Variants in RBM26 observed in about 807,000 individuals in gnomAD.
RBM26 encodes the protein RNA-binding protein 26.
In RBM26, 30 loss-of-function variants were observed where a neutral mutation model predicts 123.6. That is an observed-to-expected ratio of 0.24 (90% CI 0.18 to 0.33). RBM26 has a LOEUF of 0.33. Ranked by LOEUF, RBM26 falls within the 10% of genes least tolerant of loss-of-function variation. RBM26 has a pLI of 1.00. For missense variants in RBM26, 947 were observed against 1,203.6 expected (o/e 0.79, Z 3.15); for synonymous variants, 400 against 404.4 (o/e 0.99, Z 0.13).
chr13:79,358,179 A>T, intron 11 of RBM26, 95 bp downstream of exon 11: 1 of 1,111,302 alleles, frequency 9.0e-7, no homozygotes, highest in Non-Finnish European at 1.2e-6. Context: ...CACCATGCCC[A>T]GCCTTAAAAT....
intron 16 of RBM26, among the ~76,000 whole-genome samples, chr13:79,343,424 T>C (rs1197291412): frequency 6.6e-6 from 1 of 151,930 alleles, no homozygotes; most frequent in African/African-American, 2.4e-5. Context: ...CTTCAGTTTT[T>C]GGTTTTGTAA....
At chr13:79,401,504 T>G (rs1196224857) in intron 1 of RBM26, among the ~76,000 whole-genome samples, 1 of 152,064 alleles carries the variant, frequency 6.6e-6, no homozygotes, top group Non-Finnish European at 1.5e-5. Context: ...ACCTGCAAAA[T>G]GGAGAGATAA....
chr13:79,402,435 C>CT (rs35140010), intron 1 of RBM26, among the ~76,000 whole-genome samples: 64,084 of 140,590 alleles, frequency 0.46, 15,003 homozygotes, highest in East Asian at 0.71. Context: ...CACAGCCAGG[C>CT]TTTTTTTTTT....
downstream of RBM26, among the ~76,000 whole-genome samples, chr13:79,318,311 C>T (rs1259380354): frequency 1.3e-5 from 2 of 151,064 alleles, no homozygotes; most frequent in African/African-American, 4.8e-5. Flanking sequence ...TCTATTTTCA[C>T]CCACTAGCTA....
intron 3 of RBM26, among the ~76,000 whole-genome samples, chr13:79,375,400 A>ACCTAAG (rs1347274469): frequency 4.0e-5 from 6 of 151,722 alleles, no homozygotes; most frequent in African/African-American, 1.5e-4. Flanking sequence ...TGAACTCCTG[A>ACCTAAG]CCTAAGGTGA....
At chr13:79,403,627 C>T (rs533700410) in intron 1 of RBM26, among the ~76,000 whole-genome samples, 2 of 152,216 alleles carry the variant, frequency 1.3e-5, no homozygotes, top group South Asian at 4.2e-4. Context: ...CATTATTTTC[C>T]CAATTTTACA....
intron 12 of RBM26, among the ~76,000 whole-genome samples, chr13:79,354,786 T>G (rs1384344958): frequency 1.3e-5 from 2 of 152,234 alleles, no homozygotes; most frequent in African/African-American, 4.8e-5. Flanking sequence ...AAGTCCAACT[T>G]TCAATATCTT....
In RBM26 at chr13:79,367,122, T is replaced by C. The variant is rs142033671; in HGVS notation, c.896-250A>G. ...CAAATCTCATGTTGAAATGTGACAA[T>C]CTGGCTGGACGTGGTGGCTCAGGCC... On this transcript the variant is annotated intron_variant, in intron 6 of 21. Transcript: ENST00000438737. Among the ~76,000 whole-genome samples, 575 of 152,076 alleles carry C rather than the reference T, an allele frequency of 3.8e-3. 4 individuals carry two copies. The highest frequency in any genetic ancestry group is 0.024 in the Middle Eastern group (7 of 294).
intron 1 of RBM26, among the ~76,000 whole-genome samples, chr13:79,386,931 C>G (rs1594637869): frequency 6.6e-6 from 1 of 152,064 alleles, no homozygotes; most frequent in Non-Finnish European, 1.5e-5. Flanking sequence ...ATAAATTTGG[C>G]TGAGTCGATT....
At chr13:79,403,549 T>C (rs2079234724) in intron 1 of RBM26, among the ~76,000 whole-genome samples, 1 of 152,216 alleles carries the variant, frequency 6.6e-6, no homozygotes. Flanking sequence ...AAGTTTTGTA[T>C]TCACCTAATA....
intron 1 of RBM26, among the ~76,000 whole-genome samples, chr13:79,387,412 C>T (rs2077580814): frequency 6.6e-6 from 1 of 152,126 alleles, no homozygotes; most frequent in South Asian, 2.1e-4. Context: ...GTTAGCCTTT[C>T]CATGAAGCAG....
rs56071300 is a variant in RBM26, at chr13:79,319,949, C to CTTTTTTTT, written c.*664_*671dup. On this transcript the variant is annotated 3_prime_UTR_variant, in exon 22 of 22. Coordinates refer to ENST00000438737, the MANE Select transcript of RBM26 (RefSeq NM_001366735.2). ...TTTAAATCAAGGAACATTGTCTTGG[C>CTTTTTTTT]TTTTTTTTTTTTTTTTTTTTTGTCA... 2.5e-4 allele frequency: 29 copies of CTTTTTTTT among 116,092 alleles called. No individual in the cohort carries two copies. The highest frequency in any genetic ancestry group is 2.4e-3 in the Admixed American group (1 of 416). 7.2% of individuals were successfully genotyped at this position (116,092 alleles called of 1,614,324 possible).
chr13:79,311,976 AGAG>A (rs1483155275), exon 5 of RBM26: 5 of 152,154 alleles, frequency 3.3e-5, no homozygotes, highest in East Asian at 3.9e-4. Context: ...TAAGCATACA[AGAG>A]TAGTATTCTA....
downstream of RBM26, chr13:79,314,943 C>A: frequency 7.8e-7 from 1 of 1,283,368 alleles, no homozygotes; most frequent in Non-Finnish European, 1.0e-6. Flanking sequence ...AGGAACTGGT[C>A]TTGCTCTTGC....
chr13:79,330,723 T>G, intron 20 of RBM26, among the ~76,000 whole-genome samples: 1 of 152,080 alleles, frequency 6.6e-6, no homozygotes, highest in East Asian at 1.9e-4. Context: ...TACATATAAT[T>G]ATATAATATA....
intron 1 of RBM26, among the ~76,000 whole-genome samples, chr13:79,396,332 T>C (rs2078561502): frequency 6.6e-6 from 1 of 152,160 alleles, no homozygotes; most frequent in African/African-American, 2.4e-5. Flanking sequence ...AAAGTTAACA[T>C]TGTTCTTTAA....
Position 79,358,407 on chromosome 13 carries a change from G to A in RBM26, c.1556C>T (p.Pro519Leu), listed in dbSNP as rs1055565850. Reference sequence around the variant, plus strand: ...AAATTGAACCTTCTTCTGAAAGCCTGGGCTGTTTGTTCTATTAAAATTTGG... The same window carrying A: ...AAATTGAACCTTCTTCTGAAAGCCTAGGCTGTTTGTTCTATTAAAATTTGG... Reference protein sequence around the residue: ...DKPNFNRTNSPGFQKKVQFGN... With the variant: ...DKPNFNRTNSLGFQKKVQFGN... The change falls in exon 11 of 22, where the codon CCA (proline) becomes CTA (leucine). Residue 519 changes from proline to leucine, a missense_variant. By Grantham distance (98) the Pro-to-Leu change is moderately conservative. Around this residue, in one of 5 missense-constraint regions of RBM26, gnomAD observed 493 missense variants for 563.1 expected, o/e 0.88. Transcript: ENST00000438737. The A allele has an allele frequency of 1.9e-6, 3 of 1,610,320 alleles. No individual in the cohort carries two copies. The highest frequency in any genetic ancestry group is 1.3e-5 in the African/African-American group (1 of 74,760).
At chr13:79,398,394 T>A (rs191411980) in intron 1 of RBM26, among the ~76,000 whole-genome samples, 1 of 152,066 alleles carries the variant, frequency 6.6e-6, no homozygotes, top group Non-Finnish European at 1.5e-5. Context: ...TGCTAAAACA[T>A]ACAGAAAAAA....
At chr13:79,321,907 G>C (rs1407108753) in intron 21 of RBM26, among the ~76,000 whole-genome samples, 1 of 151,286 alleles carries the variant, frequency 6.6e-6, no homozygotes, top group Non-Finnish European at 1.5e-5. Flanking sequence ...ATGATAGATA[G>C]GGACCGTGTC....
Sources: allele counts gnomAD v4.1 joint callset (sites outside exome capture counted in the v4.1 genomes callset), GRCh38; gene constraint gnomAD v4.1.1; regional missense constraint gnomAD v4.1.1; transcripts MANE v1.5; gene names NCBI Gene and HGNC (gene_info 2026-07-23, HGNC 2026-07-21).